CERCAM: variants seen among roughly 807,000 people sequenced by gnomAD.
CERCAM encodes the protein inactive glycosyltransferase 25 family member 3.
In CERCAM, 59 loss-of-function variants were observed where a neutral mutation model predicts 66.0. That is an observed-to-expected ratio of 0.89 (90% CI 0.73 to 1.11). The LOEUF (loss-of-function observed/expected upper bound fraction) is 1.11, where lower values mean the gene tolerates loss of function less well. CERCAM is among the 50% of genes most tolerant of loss of function. CERCAM has a pLI of 0.00. For missense variants in CERCAM, 840 were observed against 828.3 expected, an observed-to-expected ratio of 1.01 and a Z score of -0.17; for synonymous variants, 318 against 343.6, an observed-to-expected ratio of 0.93 and a Z score of 0.83.
rs369738383 is a variant in CERCAM, at chr9:128,431,211, C to A, written c.1111C>A (p.Leu371Met). 1.2e-6 allele frequency: 2 copies of A among 1,614,050 alleles called. No homozygotes were observed. Among genetic ancestry groups the A allele is most frequent in the Non-Finnish European group, 1.7e-6 (2 of 1,180,022 alleles). Residue 371 changes from leucine (L) to methionine (M), a missense_variant, in exon 9 of 13, where the codon CTG becomes ATG. Leu to Met is a conservative substitution (Grantham distance 15). Transcript: ENST00000372838. ...TGCCATCAGGAACCTCGGCGTAGAC[C>A]TGCTCCCGGGCTACCAGGACCCTTA... Reference protein sequence around the residue: ...SSAIRNLGVDLLPGYQDPYSG... With the variant: ...SSAIRNLGVDMLPGYQDPYSG...
chr9:128,431,726 G>A (rs545830311), intron 9 of CERCAM: 22 of 161,908 alleles, frequency 1.4e-4, no homozygotes, highest in Admixed American at 8.7e-4. Flanking sequence ...TTGAGGGGCC[G>A]GGAGAAGAGG....
intron 8 of CERCAM, 96 bp from the exon 9 acceptor site, chr9:128,431,075 G>A (rs766029795): frequency 1.7e-5 from 24 of 1,434,892 alleles, no homozygotes; most frequent in Non-Finnish European, 1.7e-5. Flanking sequence ...CTTCAAACCC[G>A]ACTCCAGTGT....
chr9:128,424,495 C>G lies in CERCAM; in HGVS notation c.647C>G (p.Thr216Ser), dbSNP rs1463338211. Residue 216 changes from threonine to serine, a missense_variant, in exon 5 of 13, where the codon ACC (threonine) becomes AGC (serine). By Grantham distance (58) the Thr-to-Ser change is moderately conservative. Coordinates refer to ENST00000372838, the MANE Select transcript of CERCAM (RefSeq NM_016174.5). ...TTCCGTGTCCCCATGGTCCACTCCACCTTCCTTGCATCCCTGCGGGCTGAA... is the reference window on the plus strand; with the variant it reads ...TTCCGTGTCCCCATGGTCCACTCCAGCTTCCTTGCATCCCTGCGGGCTGAA... ...GCFRVPMVHSTFLASLRAEGA... is the reference protein window; with the variant it reads ...GCFRVPMVHSSFLASLRAEGA... The G allele has an allele frequency of 6.2e-7, 1 of 1,614,030 alleles. No individual in the cohort carries two copies. Among genetic ancestry groups the G allele is most frequent in the African/African-American group, 1.3e-5 (1 of 74,932 alleles).
In CERCAM at chr9:128,422,979, G is replaced by T; in HGVS notation, c.308+1G>T. 6.2e-7 allele frequency: 1 copy of T among 1,613,750 alleles called. No individual in the cohort carries two copies. The highest frequency in any genetic ancestry group is 1.1e-5 in the South Asian group (1 of 91,074). ...TCTGGAGGCCTGAGGGCGAGCCCAG[G>T]TGGTGATCTGAGGGGAAGGGTGCTG... On this transcript the variant is annotated splice_donor_variant, in intron 2 of 12. Coordinates refer to ENST00000372838, the MANE Select transcript of CERCAM (RefSeq NM_016174.5). LOFTEE classifies it high-confidence loss of function.
In CERCAM at chr9:128,434,530, C is replaced by T. The variant is rs1263642818; in HGVS notation, c.1452C>T (p.Ala484=). 2 of 1,612,780 alleles carry T rather than the reference C, an allele frequency of 1.2e-6. No homozygotes were observed. The highest frequency in any genetic ancestry group is 2.2e-5 in the South Asian group (2 of 91,070). The change falls in exon 11 of 13, where the codon GCC becomes GCT. Residue 484 remains alanine, a synonymous_variant. Transcript: ENST00000372838. The surrounding 1 kb of genome is among the most constrained non-coding windows in gnomAD (Gnocchi z 4.5). The stretch of plus-strand genomic sequence containing the variant: ...CCTATGCCCTGCGTCTGGCGGGTGC[C>T]CGCAAGCTGCTGGCCTCACAGCCTC... ...TLAYALRLAG[A]RKLLASQPLR...
chr9:128,427,239 A>G (rs1358235114), intron 5 of CERCAM, among the ~76,000 whole-genome samples: 1 of 151,868 alleles, frequency 6.6e-6, no homozygotes, highest in African/African-American at 2.4e-5. Context: ...CAGCCTCCTA[A>G]GTAGATGGGA....
chr9:128,435,017 A>G (rs772627375), intron 11 of CERCAM, among the ~76,000 whole-genome samples: 4 of 148,838 alleles, frequency 2.7e-5, no homozygotes, highest in Non-Finnish European at 4.4e-5. Context: ...TATTTTTGAG[A>G]TGGAGTTTTG....
At chr9:128,429,528 G>A (rs78225666) in intron 8 of CERCAM, among the ~76,000 whole-genome samples, 5,464 of 152,286 alleles carry the variant, frequency 0.036, 234 homozygotes, top group African/African-American at 0.1. Flanking sequence ...GAACCCAGAG[G>A]CTAGGCTTCT....
In CERCAM at chr9:128,434,205, C is replaced by A; in HGVS notation, c.1307C>A (p.Ala436Glu). 6.2e-7 allele frequency: 1 copy of A among 1,614,124 alleles called. No individual in the cohort carries two copies. Among genetic ancestry groups the A allele is most frequent in the Admixed American group, 1.7e-5 (1 of 60,010 alleles). ...GAGCGGCTGATGGAGGATGTGGAGG[C>A]AGAGAAACTGTCTTGGGACCTGATG... ...RLERLMEDVE[A>E]EKLSWDLIYL... is the part of the protein sequence containing the mutation. Residue 436 changes from alanine to glutamate, a missense_variant, in exon 10 of 13, where the codon GCA becomes GAA. By Grantham distance (107) the Ala-to-Glu change is moderately radical. Transcript: ENST00000372838. The surrounding 1 kb of genome is among the most constrained non-coding windows in gnomAD (Gnocchi z 4.5).
chr9:128,436,650 G>A (rs1834121195), intron 12 of CERCAM, among the ~76,000 whole-genome samples, 199 bp from the exon 13 acceptor site: 1 of 152,186 alleles, frequency 6.6e-6, no homozygotes, highest in African/African-American at 2.4e-5. Context: ...AAAGTGCTGG[G>A]GATTACAGGC....
chr9:128,431,566 C>G (rs2131339900), intron 9 of CERCAM: 3 of 423,562 alleles, frequency 7.1e-6, no homozygotes, highest in African/African-American at 2.0e-5. Flanking sequence ...CAATGCATGT[C>G]TGCTCCTTCC....
intron 5 of CERCAM, 30 bp from the exon 6 acceptor site, chr9:128,428,272 C>T (rs756098421): frequency 6.2e-7 from 1 of 1,611,114 alleles, no homozygotes; most frequent in Non-Finnish European, 8.5e-7. Context: ...CCACCCTCCA[C>T]TGCAGCTCTC....
At chr9:128,426,418 A>T in intron 5 of CERCAM, among the ~76,000 whole-genome samples, 1 of 151,880 alleles carries the variant, frequency 6.6e-6, no homozygotes, top group Admixed American at 6.6e-5. Flanking sequence ...AGGTCAAGAG[A>T]TTGAGACCAT....
intron 5 of CERCAM, among the ~76,000 whole-genome samples, chr9:128,427,037 A>C (rs16936865): frequency 0.035 from 5,285 of 152,286 alleles, 290 homozygotes; most frequent in African/African-American, 0.12. Context: ...TCAGTCTCTA[A>C]CAGCCAGATA....
chr9:128,429,962 A>ATGTTT (rs903491140), intron 8 of CERCAM, among the ~76,000 whole-genome samples: 1 of 146,412 alleles, frequency 6.8e-6, no homozygotes, highest in Non-Finnish European at 1.5e-5. Flanking sequence ...ATTAAAAAAA[A>ATGTTT]TGTTTTGTTT....
chr9:128,431,509 A>G (rs1026710536), intron 9 of CERCAM: 4 of 599,256 alleles, frequency 6.7e-6, no homozygotes, highest in Non-Finnish European at 1.2e-5. Flanking sequence ...AGCATCTACT[A>G]TGTGCTAGGA....
chr9:128,430,346 G>C (rs542129441), intron 8 of CERCAM, among the ~76,000 whole-genome samples: 1 of 152,258 alleles, frequency 6.6e-6, no homozygotes, highest in Non-Finnish European at 1.5e-5. Context: ...AGGTTGCAGT[G>C]AGCCGAGATT....
chr9:128,425,339 G>A (rs1241231517), intron 5 of CERCAM, among the ~76,000 whole-genome samples: 1 of 151,960 alleles, frequency 6.6e-6, no homozygotes, highest in Admixed American at 6.6e-5. Context: ...ACAGGCGTGA[G>A]CCACCGCGCC....
chr9:128,428,357 G>A lies in CERCAM; in HGVS notation c.822G>A (p.Val274=). 1 of 1,614,178 alleles carries A rather than the reference G, an allele frequency of 6.2e-7. No homozygotes were observed. Among genetic ancestry groups the A allele is most frequent in the Non-Finnish European group, 8.5e-7 (1 of 1,180,030 alleles). The change falls in exon 6 of 13, where the codon GTG becomes GTA. Residue 274 remains valine, a synonymous_variant. Coordinates refer to ENST00000372838, the MANE Select transcript of CERCAM (RefSeq NM_016174.5). ...GTTATGGGTACATGAATGTGCCGGT[G>A]AAATCCCACCAGGGGCTGGAAGACG... ...EHRYGYMNVP[V]KSHQGLEDER... is the part of the protein sequence containing the mutation.
Sources: allele counts gnomAD v4.1 joint callset (sites outside exome capture counted in the v4.1 genomes callset), GRCh38; gene constraint gnomAD v4.1.1; non-coding constraint Gnocchi (gnomAD v3.1); transcripts MANE v1.5; gene names NCBI Gene and HGNC (gene_info 2026-07-23, HGNC 2026-07-21).